Variants in GPR149 observed in about 807,000 individuals in gnomAD.
The protein encoded by GPR149 is probable G protein-coupled receptor 149.
A neutral mutation model predicts 50.2 loss-of-function variants in GPR149; 50 were observed. The ratio of observed to expected loss-of-function variants is 1.00; its 90% confidence interval spans 0.79 to 1.26. The LOEUF is 1.26. Ranked by LOEUF, GPR149 falls within the 50% of genes most tolerant of loss-of-function variation. The pLI, the probability that GPR149 is intolerant of heterozygous loss-of-function variation, is 0.00. For synonymous variants in GPR149, 405 were observed against 358.2 expected (o/e 1.13, Z -1.48); for missense variants, 983 against 895.4 (o/e 1.10, Z -1.25).
intron 3 of GPR149, among the ~76,000 whole-genome samples, chr3:154,376,651 G>A (rs548778217): frequency 1.1e-4 from 17 of 152,272 alleles, no homozygotes; most frequent in Non-Finnish European, 2.1e-4. Context: ...TTAGAGAAAC[G>A]GGAGGAAAGC....
rs1221393093 is a variant in GPR149 at position 154,429,565 on chromosome 3, T to C, written c.51A>G (p.Lys17=). 1.2e-6 allele frequency: 2 copies of C among 1,613,530 alleles called. No homozygotes were observed. Among genetic ancestry groups the C allele is most frequent in the African/African-American group, 1.3e-5 (1 of 74,934 alleles). The change falls in exon 1 of 4, where the codon AAA becomes AAG. Residue 17 remains lysine (K), a synonymous_variant. Transcript: ENST00000389740. ...NLSTNDSSLW[K]ENHNSTDLLN... is the part of the protein sequence containing the mutation. ...AAAGGTCCGTAGAATTATGATTCTC[T>C]TTCCACAGGCTAGAGTCATTTGTTG...
intron 3 of GPR149, among the ~76,000 whole-genome samples, chr3:154,402,394 T>A (rs943575261): frequency 1.4e-5 from 2 of 146,434 alleles, no homozygotes; most frequent in Admixed American, 1.4e-4. Context: ...CCAGCCTAGA[T>A]GGCAGAGTGA....
chr3:154,353,203 T>C (rs557552673), intron 3 of GPR149: 2 of 1,532,468 alleles, frequency 1.3e-6, no homozygotes, highest in Non-Finnish European at 1.8e-6. Flanking sequence ...ACATCTCCAA[T>C]AACTGCTGGC....
intron 3 of GPR149, among the ~76,000 whole-genome samples, chr3:154,371,818 C>A (rs1714672436): frequency 6.6e-6 from 1 of 152,168 alleles, no homozygotes; most frequent in Non-Finnish European, 1.5e-5. Context: ...TACCTCGGCT[C>A]CTCCCCTTTC....
At chr3:154,360,030 G>T (rs1305004673) in intron 3 of GPR149, among the ~76,000 whole-genome samples, 1 of 152,028 alleles carries the variant, frequency 6.6e-6, no homozygotes, top group East Asian at 1.9e-4. Context: ...TTCTAAGAGT[G>T]CTGGCCACCA....
At chr3:154,347,640 C>T (rs1022649164) in intron 3 of GPR149, among the ~76,000 whole-genome samples, 4 of 152,176 alleles carry the variant, frequency 2.6e-5, no homozygotes, top group African/African-American at 7.2e-5. Context: ...TTACATTTTA[C>T]AGACAAACAA....
chr3:154,396,905 T>C (rs948467243), intron 3 of GPR149, among the ~76,000 whole-genome samples: 2 of 151,340 alleles, frequency 1.3e-5, no homozygotes, highest in Non-Finnish European at 2.9e-5. Flanking sequence ...ATATTATATA[T>C]ATATTTTTTG....
intron 3 of GPR149, among the ~76,000 whole-genome samples, chr3:154,369,746 T>C (rs1438897015): frequency 6.6e-6 from 1 of 152,246 alleles, no homozygotes; most frequent in Non-Finnish European, 1.5e-5. Flanking sequence ...TATAACTATA[T>C]AGATGTCCTG....
intron 3 of GPR149, among the ~76,000 whole-genome samples, chr3:154,362,942 A>C (rs544992848): frequency 1.3e-5 from 2 of 152,324 alleles, no homozygotes; most frequent in East Asian, 3.9e-4. Context: ...TTGGAAAATG[A>C]TTACACATGA....
At chr3:154,361,849 C>A (rs1469580938) in intron 3 of GPR149, among the ~76,000 whole-genome samples, 1 of 152,164 alleles carries the variant, frequency 6.6e-6, no homozygotes, top group Admixed American at 6.5e-5. Context: ...ATGTTGTTTA[C>A]AAATGCCAGT....
chr3:154,346,039 T>A (rs1324518405), intron 3 of GPR149, among the ~76,000 whole-genome samples: 1 of 152,170 alleles, frequency 6.6e-6, no homozygotes, highest in South Asian at 2.1e-4. Flanking sequence ...TAAGAGTCAG[T>A]TGTTGGTTTT....
intron 3 of GPR149, among the ~76,000 whole-genome samples, chr3:154,385,129 C>G (rs1715017096): frequency 6.6e-6 from 1 of 152,128 alleles, no homozygotes; most frequent in Non-Finnish European, 1.5e-5. Context: ...GAACTTGGAT[C>G]TGTTTGTGCT....
intron 3 of GPR149, among the ~76,000 whole-genome samples, chr3:154,360,778 G>A (rs551916459): frequency 1.3e-5 from 2 of 152,128 alleles, no homozygotes; most frequent in African/African-American, 2.4e-5. Flanking sequence ...TAATTTCTAG[G>A]TAGTATAATT....
intron 3 of GPR149, among the ~76,000 whole-genome samples, chr3:154,408,520 C>G (rs1711754211): frequency 6.6e-6 from 1 of 152,138 alleles, no homozygotes; most frequent in Admixed American, 6.5e-5. Flanking sequence ...GGACTGTGGG[C>G]TGCATTTGGG....
At chr3:154,339,950 C>T (rs1010511397) in intron 3 of GPR149, among the ~76,000 whole-genome samples, 6 of 151,588 alleles carry the variant, frequency 4.0e-5, no homozygotes, top group African/African-American at 4.9e-5. Flanking sequence ...CCACCACCCC[C>T]GCCTAATTTT....
chr3:154,361,987 T>C (rs1354225690), intron 3 of GPR149, among the ~76,000 whole-genome samples: 1 of 152,162 alleles, frequency 6.6e-6, no homozygotes, highest in Non-Finnish European at 1.5e-5. Flanking sequence ...TTTATATTTG[T>C]GAAGAGTTCT....
intron 3 of GPR149, among the ~76,000 whole-genome samples, chr3:154,344,172 T>C (rs892324684): frequency 5.3e-5 from 8 of 152,198 alleles, no homozygotes; most frequent in Non-Finnish European, 1.2e-4. Flanking sequence ...CGAATTTTAC[T>C]AGAAAACTGT....
chr3:154,423,282 C>T (rs1712197660), intron 2 of GPR149, among the ~76,000 whole-genome samples: 1 of 151,812 alleles, frequency 6.6e-6, no homozygotes, highest in African/African-American at 2.4e-5. Flanking sequence ...CGTATTGATT[C>T]TATTTTACAC....
chr3:154,410,574 CA>C (rs1270851012), intron 3 of GPR149, among the ~76,000 whole-genome samples: 1 of 152,052 alleles, frequency 6.6e-6, no homozygotes, highest in African/African-American at 2.4e-5. Context: ...TGTAAAGTAG[CA>C]GCAGTTTAAA....
Sources: gnomAD v4.1 joint callset for allele counts (sites outside exome capture counted in the v4.1 genomes callset) on GRCh38, gnomAD v4.1.1 for gene constraint, MANE v1.5 for transcripts, NCBI Gene and HGNC (gene_info 2026-07-23, HGNC 2026-07-21) for gene names.